FOXM1: variants seen among roughly 807,000 people sequenced by gnomAD.
FOXM1 encodes forkhead box protein M1.
In FOXM1, 25 loss-of-function variants were observed where a neutral mutation model predicts 63.6. The observed-to-expected ratio is 0.39, with a 90% confidence interval of 0.29 to 0.55. The LOEUF (loss-of-function observed/expected upper bound fraction) is 0.55, where lower values mean the gene tolerates loss of function less well. FOXM1 is among the 20% of genes least tolerant of loss of function. The pLI is 0.60. For synonymous variants in FOXM1, 387 were observed against 376.9 expected (o/e 1.03, Z -0.31); for missense variants, 879 against 958.7 (o/e 0.92, Z 1.10).
At chr12:2,868,497 A>T (rs774602876) in intron 4 of FOXM1, 66 bp downstream of exon 4, 39 of 1,130,202 alleles carry the variant, frequency 3.5e-5, no homozygotes, top group Non-Finnish European at 4.8e-5. Context: ...TACAAGTTGC[A>T]GTACAGCACT....
At chr12:2,868,262 T>G (rs1371104517) in intron 4 of FOXM1, 2 of 251,384 alleles carry the variant, frequency 8.0e-6, no homozygotes, top group Non-Finnish European at 1.5e-5. Flanking sequence ...ATAAAACTAC[T>G]TAGCCACTCT....
intron 4 of FOXM1, 159 bp downstream of exon 4, chr12:2,868,404 G>T: frequency 1.8e-6 from 1 of 558,248 alleles, no homozygotes; most frequent in African/African-American, 1.9e-5. Flanking sequence ...GATTTTGCCT[G>T]GATTCAATAA....
intron 8 of FOXM1, among the ~76,000 whole-genome samples, chr12:2,862,572 C>G (rs1436901412): frequency 6.6e-6 from 1 of 152,074 alleles, no homozygotes; most frequent in Non-Finnish European, 1.5e-5. Flanking sequence ...ATTTTGTTGC[C>G]TAAGCTAGAA....
intron 2 of FOXM1, among the ~76,000 whole-genome samples, chr12:2,873,011 G>A (rs2098135829): frequency 6.6e-6 from 1 of 152,162 alleles, no homozygotes; most frequent in South Asian, 2.1e-4. Flanking sequence ...CCGTGATTGC[G>A]CCACTGCACT....
intron 3 of FOXM1, among the ~76,000 whole-genome samples, chr12:2,871,418 A>G (rs1255721222): frequency 6.6e-6 from 1 of 152,106 alleles, no homozygotes; most frequent in African/African-American, 2.4e-5. Flanking sequence ...AGGCTGAGGC[A>G]GGAGGATCAC....
At chr12:2,869,280 C>A (rs1002788249) in intron 3 of FOXM1, among the ~76,000 whole-genome samples, 4 of 151,946 alleles carry the variant, frequency 2.6e-5, no homozygotes, top group Admixed American at 1.3e-4. Flanking sequence ...ATTTCTTTTT[C>A]TTTTTTTGAG....
rs758750879 is a variant in FOXM1 at position 2,859,663 on chromosome 12, C to T, written c.1267G>A (p.Val423Met). 2 of 1,600,504 alleles carry T rather than the reference C, an allele frequency of 1.2e-6. No homozygotes were observed. Among genetic ancestry groups the T allele is most frequent in the African/African-American group, 2.7e-5 (2 of 74,776 alleles). Reference protein sequence around the residue: ...HSKRVRIAPKVLLAEEGIAPL... With the variant: ...HSKRVRIAPKMLLAEEGIAPL... Reference sequence around the variant, plus strand: ...GCTATCCCCTCCTCAGCTAGCAGCACCTGAAAGGGAAACAGAGATAAGGTG... The same window carrying T: ...GCTATCCCCTCCTCAGCTAGCAGCATCTGAAAGGGAAACAGAGATAAGGTG... The change falls in exon 9 of 9, where the codon GTG becomes ATG. Residue 423 changes from valine (V) to methionine (M), a missense_variant and splice_region_variant. By Grantham distance (21) the Val-to-Met change is conservative. Coordinates refer to ENST00000359843, the MANE Select transcript of FOXM1 (RefSeq NM_021953.4).
At chr12:2,866,310 T>C (rs2098123053) in intron 5 of FOXM1, 83 bp downstream of exon 5, 1 of 1,329,748 alleles carries the variant, frequency 7.5e-7, no homozygotes, top group Admixed American at 3.0e-5. Context: ...AATGAAAGCA[T>C]CACTAGCAGA....
At chr12:2,870,293 G>C (rs543655142) in intron 3 of FOXM1, among the ~76,000 whole-genome samples, 194 of 152,308 alleles carry the variant, frequency 1.3e-3, no homozygotes, top group Non-Finnish European at 2.0e-3. Flanking sequence ...CACTTTTAAA[G>C]ATTGTTGAGC....
intron 4 of FOXM1, among the ~76,000 whole-genome samples, chr12:2,867,135 AGAGT>A (rs1167912320): frequency 2.6e-5 from 4 of 151,932 alleles, no homozygotes; most frequent in African/African-American, 4.8e-5. Context: ...CCTGGGTGAC[AGAGT>A]GAGGCCCCGT....
At chr12:2,871,686 A>G (rs1438248979) in intron 3 of FOXM1, among the ~76,000 whole-genome samples, 3 of 152,110 alleles carry the variant, frequency 2.0e-5, no homozygotes, top group African/African-American at 7.2e-5. Context: ...TATATATATA[A>G]CTGACTTTAT....
intron 8 of FOXM1, among the ~76,000 whole-genome samples, chr12:2,862,324 A>G (rs1312329684): frequency 6.6e-6 from 1 of 152,188 alleles, no homozygotes; most frequent in African/African-American, 2.4e-5. Context: ...AAAATATGCA[A>G]GAAAGCATCA....
chr12:2,868,439 C>G, intron 4 of FOXM1, 124 bp downstream of exon 4: 1 of 674,906 alleles, frequency 1.5e-6, no homozygotes. Flanking sequence ...CTAAAAGATA[C>G]ATTTGTTTAT....
chr12:2,864,509 C>A lies in FOXM1; in HGVS notation c.1091-14G>T, dbSNP rs765608397. ...TCATCTTCCGCCCTAGGAGGAAACA[C>A]GAGAGATCAGGAGCAGGGGGACTGG... On this transcript the variant is annotated splice_polypyrimidine_tract_variant and intron_variant, in intron 7 of 8. Coordinates refer to ENST00000359843, the MANE Select transcript of FOXM1 (RefSeq NM_021953.4). This position sits in a 1 kb window ranked among gnomAD's most constrained non-coding sequence, Gnocchi z 5.1. The A allele has an allele frequency of 6.2e-7, 1 of 1,607,026 alleles. No homozygotes were observed. The highest frequency in any genetic ancestry group is 1.1e-5 in the South Asian group (1 of 90,794).
chr12:2,866,574 C>A, intron 4 of FOXM1, 53 bp from the exon 5 acceptor site: 1 of 1,473,996 alleles, frequency 6.8e-7, no homozygotes, highest in South Asian at 1.4e-5. Context: ...TCAGAAACAT[C>A]ACCCTTCAAA....
chr12:2,869,456 A>G (rs943549894), intron 3 of FOXM1, among the ~76,000 whole-genome samples: 5 of 137,630 alleles, frequency 3.6e-5, no homozygotes, highest in African/African-American at 8.4e-5. Flanking sequence ...TTTTTTTGAG[A>G]TGGAGTTTCA....
At chr12:2,866,307 G>A (rs1363363384) in intron 5 of FOXM1, 86 bp downstream of exon 5, 3 of 1,312,292 alleles carry the variant, frequency 2.3e-6, no homozygotes, top group South Asian at 2.0e-5. Flanking sequence ...TCAAATGAAA[G>A]CATCACTAGC....
chr12:2,861,240 C>G (rs192659481), intron 8 of FOXM1: 1 of 675,344 alleles, frequency 1.5e-6, no homozygotes, highest in Non-Finnish European at 2.6e-6. Context: ...TCATAAATAA[C>G]CAATTCATAG....
intron 8 of FOXM1, 43 bp from the exon 9 acceptor site, chr12:2,859,706 C>T (rs756834215): frequency 4.9e-5 from 71 of 1,438,144 alleles, no homozygotes; most frequent in Admixed American, 1.2e-4. Flanking sequence ...GGTCACCAGA[C>T]AGGACGCACA....
Sources: gnomAD v4.1 joint callset for allele counts (sites outside exome capture counted in the v4.1 genomes callset) on GRCh38, gnomAD v4.1.1 for gene constraint, Gnocchi (gnomAD v3.1) non-coding constraint, MANE v1.5 for transcripts, NCBI Gene and HGNC (gene_info 2026-07-23, HGNC 2026-07-21) for gene names.